SLC9A9: variants seen among roughly 807,000 people sequenced by gnomAD.
SLC9A9 encodes sodium/hydrogen exchanger 9.
In SLC9A9, 62 loss-of-function variants were observed where a neutral mutation model predicts 77.8. The ratio of observed to expected loss-of-function variants is 0.80; its 90% CI spans 0.65 to 0.98. The LOEUF (loss-of-function observed/expected upper bound fraction) is 0.98, where lower values mean the gene tolerates loss of function less well. Among genes scored for constraint, SLC9A9 ranks in the 50% least tolerant of loss-of-function variants. The pLI, the probability that SLC9A9 is intolerant of heterozygous loss-of-function variation, is 0.00. For synonymous variants in SLC9A9, 320 were observed against 283.5 expected (o/e 1.13, Z -1.29); for missense variants, 775 against 774.9 (o/e 1.00, Z 0.00).
At chr3:143,267,350 T>TC (rs1553736565) in intron 15 of SLC9A9, among the ~76,000 whole-genome samples, 1 of 146,408 alleles carries the variant, frequency 6.8e-6, no homozygotes, top group East Asian at 2.0e-4. Flanking sequence ...TGCTACTTTT[T>TC]TTTTTTTTTT....
chr3:143,541,647 C>T (rs2036691967), intron 9 of SLC9A9, among the ~76,000 whole-genome samples: 1 of 152,166 alleles, frequency 6.6e-6, no homozygotes, highest in South Asian at 2.1e-4. Context: ...GACCCATGTC[C>T]AGGTTGACCC....
chr3:143,606,436 C>CTATATATATATATATATA (rs60773685), intron 6 of SLC9A9, among the ~76,000 whole-genome samples: 51 of 54,190 alleles, frequency 9.4e-4, no homozygotes, highest in East Asian at 2.2e-3. Context: ...CTCTCTCTCT[C>CTATATATATATATATATA]TATATATATA....
chr3:143,527,275 C>G (rs575473261), intron 9 of SLC9A9, among the ~76,000 whole-genome samples: 78 of 152,332 alleles, frequency 5.1e-4, no homozygotes, highest in Non-Finnish European at 1.0e-3. Context: ...TAAACTTCAG[C>G]ATTTTAACTG....
At chr3:143,755,794 A>C (rs1176645436) in intron 4 of SLC9A9, among the ~76,000 whole-genome samples, 2 of 152,274 alleles carry the variant, frequency 1.3e-5, no homozygotes, top group Non-Finnish European at 1.5e-5. Context: ...TGTATTATAA[A>C]ATATATTCTA....
intron 6 of SLC9A9, among the ~76,000 whole-genome samples, chr3:143,581,975 T>C (rs2037462312): frequency 1.3e-5 from 2 of 152,104 alleles, no homozygotes; most frequent in Non-Finnish European, 2.9e-5. Context: ...GTTTGGCACA[T>C]GGCAGGGTAT....
chr3:143,620,504 G>C (rs1013258097), intron 6 of SLC9A9: 1 of 152,330 alleles, frequency 6.6e-6, no homozygotes, highest in Non-Finnish European at 1.5e-5. Flanking sequence ...CAGAGGTGGT[G>C]GACAAGCACC....
At chr3:143,341,314 G>A (rs957325580) in intron 14 of SLC9A9, among the ~76,000 whole-genome samples, 3 of 152,028 alleles carry the variant, frequency 2.0e-5, no homozygotes, top group African/African-American at 7.2e-5. Context: ...CGGTTTGGGA[G>A]CCTCCAATGC....
chr3:143,526,140 A>G (rs9289666), intron 9 of SLC9A9, among the ~76,000 whole-genome samples: 131,058 of 152,266 alleles, frequency 0.86, 56,628 homozygotes, highest in East Asian at 0.98. Flanking sequence ...TGTGATGTCT[A>G]GGTCTTTTAA....
chr3:143,306,237 G>T (rs2030776845), intron 14 of SLC9A9, among the ~76,000 whole-genome samples: 3 of 152,184 alleles, frequency 2.0e-5, no homozygotes, highest in Admixed American at 1.3e-4. Context: ...GAAGGTTGAG[G>T]CCTCCCCAGA....
Position 143,528,486 on chromosome 3 carries a change from A to G in SLC9A9, c.1089+23876T>C, listed in dbSNP as rs79131421. On this transcript the variant is annotated intron_variant, in intron 9 of 15. Coordinates refer to ENST00000316549, the MANE Select transcript of SLC9A9 (RefSeq NM_173653.4). ...GCAGTGTGATAAGTGGGTGATCAAC[A>G]AATCTAAGTTTGCTGTGATCTTTTC... Among the ~76,000 whole-genome samples the G allele has an allele frequency of 3.0e-3, 454 of 152,330 alleles. 3 individuals are homozygous for G. The highest frequency in any genetic ancestry group is 0.01 in the African/African-American group (429 of 41,572).
At chr3:143,645,636 T>A (rs552435767) in intron 6 of SLC9A9, among the ~76,000 whole-genome samples, 1 of 152,284 alleles carries the variant, frequency 6.6e-6, no homozygotes, top group African/African-American at 2.4e-5. Context: ...ACATGGGCGG[T>A]AAGAAATGTA....
intron 2 of SLC9A9, among the ~76,000 whole-genome samples, chr3:143,825,547 A>G (rs1415786890): frequency 6.6e-6 from 1 of 152,226 alleles, no homozygotes; most frequent in Non-Finnish European, 1.5e-5. Flanking sequence ...GTAGCTCTAA[A>G]ATATGTAGTA....
At chr3:143,781,493 A>G (rs2007881856) in intron 4 of SLC9A9, among the ~76,000 whole-genome samples, 2 of 152,202 alleles carry the variant, frequency 1.3e-5, no homozygotes, top group African/African-American at 4.8e-5. Context: ...TGTAGAACTT[A>G]TTTGAGGAGG....
At chr3:143,814,908 T>G (rs2008965034) in intron 2 of SLC9A9, among the ~76,000 whole-genome samples, 1 of 151,570 alleles carries the variant, frequency 6.6e-6, no homozygotes, top group Admixed American at 6.6e-5. Flanking sequence ...AAAAAATGAG[T>G]GATGGCAAGG....
intron 12 of SLC9A9, among the ~76,000 whole-genome samples, chr3:143,466,390 T>C (rs2035280684): frequency 1.3e-5 from 2 of 152,252 alleles, no homozygotes; most frequent in African/African-American, 4.8e-5. Context: ...CTTTTCACAA[T>C]TGACACCAGC....
At chr3:143,655,709 C>A (rs13074841) in intron 5 of SLC9A9, 8 of 767,630 alleles carry the variant, frequency 1.0e-5, no homozygotes, top group Non-Finnish European at 1.3e-5. Flanking sequence ...CACACACACA[C>A]ACAAACACAC....
At chr3:143,339,291 G>A (rs1276919169) in intron 14 of SLC9A9, among the ~76,000 whole-genome samples, 1 of 152,140 alleles carries the variant, frequency 6.6e-6, no homozygotes, top group African/African-American at 2.4e-5. Context: ...GGGCCCCTGA[G>A]CCTCCCTCCC....
intron 4 of SLC9A9, among the ~76,000 whole-genome samples, chr3:143,756,914 T>C (rs1001220518): frequency 1.3e-5 from 2 of 152,216 alleles, no homozygotes; most frequent in Admixed American, 1.3e-4. Context: ...TGCTTCTGTT[T>C]TTATTTTTAA....
intron 14 of SLC9A9, among the ~76,000 whole-genome samples, chr3:143,330,909 T>C (rs759260695): frequency 5.3e-5 from 8 of 152,254 alleles, no homozygotes; most frequent in Non-Finnish European, 1.2e-4. Flanking sequence ...CATTTATGCA[T>C]AGAGCCAAAA....
Sources: allele counts gnomAD v4.1 joint callset (sites outside exome capture counted in the v4.1 genomes callset), GRCh38; gene constraint gnomAD v4.1.1; transcripts MANE v1.5; gene names NCBI Gene and HGNC (gene_info 2026-07-23, HGNC 2026-07-21).